The following TMEM163 variants were observed in gnomAD, a reference collection of about 807,000 sequenced individuals.
TMEM163 encodes transmembrane protein 163.
In TMEM163, 17 loss-of-function variants were observed where a neutral mutation model predicts 29.3. That is an observed-to-expected ratio of 0.58 (90% confidence interval 0.40 to 0.87). The LOEUF is 0.87. Among genes scored for constraint, TMEM163 ranks in the 40% least tolerant of loss-of-function variants. TMEM163 has a pLI of 0.00. For synonymous variants in TMEM163, 157 were observed against 160.6 expected, an observed-to-expected ratio of 0.98 and a Z score of 0.17; for missense variants, 303 against 381.5, an observed-to-expected ratio of 0.79 and a Z score of 1.71.
At chr2:134,499,605 T>G (rs1230107398) in intron 5 of TMEM163, among the ~76,000 whole-genome samples, 1 of 152,186 alleles carries the variant, frequency 6.6e-6, no homozygotes, top group Non-Finnish European at 1.5e-5. Context: ...AAATTCCAAT[T>G]GCACAGCTCT....
chr2:134,463,937 G>T (rs1251932846), intron 6 of TMEM163, among the ~76,000 whole-genome samples: 2 of 152,238 alleles, frequency 1.3e-5, no homozygotes, highest in African/African-American at 4.8e-5. Context: ...TTCATCTGGA[G>T]CTTGAGGAAG....
intron 2 of TMEM163, among the ~76,000 whole-genome samples, chr2:134,632,021 C>T (rs552655140): frequency 1.3e-5 from 2 of 152,212 alleles, no homozygotes; most frequent in South Asian, 2.1e-4. Flanking sequence ...AGAAAGTTTC[C>T]AACAAAGTCA....
chr2:134,616,727 T>C (rs1682616198), intron 2 of TMEM163, among the ~76,000 whole-genome samples: 1 of 152,238 alleles, frequency 6.6e-6, no homozygotes, highest in African/African-American at 2.4e-5. Flanking sequence ...TTACCTGGTT[T>C]TGATATTGTA....
At chr2:134,704,049 T>C (rs568210259) in intron 2 of TMEM163, among the ~76,000 whole-genome samples, 3 of 152,148 alleles carry the variant, frequency 2.0e-5, no homozygotes, top group Non-Finnish European at 4.4e-5. Flanking sequence ...GTGGGTCCCC[T>C]GCTCAGGAGC....
intron 2 of TMEM163, among the ~76,000 whole-genome samples, chr2:134,636,525 C>T (rs971579418): frequency 6.6e-5 from 10 of 152,178 alleles, no homozygotes; most frequent in African/African-American, 2.4e-4. Flanking sequence ...TCCAAGCTGT[C>T]CTTGTTCTTT....
chr2:134,693,608 C>CAAAAAAA (rs35183610), intron 2 of TMEM163, among the ~76,000 whole-genome samples: 2 of 66,652 alleles, frequency 3.0e-5, no homozygotes, highest in Non-Finnish European at 4.1e-5. Context: ...AAAACTACAT[C>CAAAAAAA]AAAAAAAAAA....
intron 2 of TMEM163, among the ~76,000 whole-genome samples, chr2:134,685,242 T>G (rs1247433087): frequency 6.6e-6 from 1 of 152,210 alleles, no homozygotes; most frequent in Non-Finnish European, 1.5e-5. Flanking sequence ...AATAACTGTT[T>G]CTAAAATTCC....
rs111580205 is a variant in TMEM163, at chr2:134,462,691, T to C, written c.667+3423A>G. On this transcript the variant is annotated intron_variant, in intron 6 of 7. Transcript: ENST00000281924. ...AGTTGTTTCATTAGAAAAGCAGCCT[T>C]ATTGTTGTTCTCCTCTGTACACCAC... is the stretch of plus-strand genomic sequence containing the variant. Among the ~76,000 whole-genome samples, 33 of 152,276 alleles carry C rather than the reference T, an allele frequency of 2.2e-4. 2 individuals are homozygous for C. The highest frequency in any genetic ancestry group is 7.9e-4 in the African/African-American group (33 of 41,550).
At chr2:134,572,721 CAG>C (rs1681460954) in intron 2 of TMEM163, among the ~76,000 whole-genome samples, 1 of 152,174 alleles carries the variant, frequency 6.6e-6, no homozygotes. Context: ...GCCAGACTCT[CAG>C]AATTCGGAAG....
intron 4 of TMEM163, among the ~76,000 whole-genome samples, chr2:134,517,878 G>C (rs1680109305): frequency 6.6e-6 from 1 of 152,142 alleles, no homozygotes; most frequent in South Asian, 2.1e-4. Context: ...AGGAGAAAAA[G>C]TATGAGTTTC....
At position 134,570,979 on chromosome 2, in the gene TMEM163, C is replaced by T. The variant is rs147939909; in HGVS notation, c.323-18888G>A. Among the ~76,000 whole-genome samples the T allele has an allele frequency of 2.5e-3, 377 of 152,278 alleles. 4 individuals carry two copies. Among genetic ancestry groups the T allele is most frequent in the African/African-American group, 8.8e-3 (367 of 41,556 alleles). On this transcript the variant is annotated intron_variant, in intron 2 of 7. Coordinates refer to ENST00000281924, the MANE Select transcript of TMEM163 (RefSeq NM_030923.5). ...TTTGCTTAAACTAACATGAGGATTT[C>T]CATTGCTTGTAACTGTGATGCTCTC...
intron 2 of TMEM163, among the ~76,000 whole-genome samples, chr2:134,696,299 A>G (rs1173315739): frequency 6.6e-6 from 1 of 152,162 alleles, no homozygotes; most frequent in Non-Finnish European, 1.5e-5. Context: ...ATTTGTTCCT[A>G]AAAATATCAC....
chr2:134,668,239 CA>C (rs1683910507), intron 2 of TMEM163, among the ~76,000 whole-genome samples: 1 of 152,212 alleles, frequency 6.6e-6, no homozygotes, highest in South Asian at 2.1e-4. Context: ...AGTTGGCACA[CA>C]AACCTGTCCT....
intron 5 of TMEM163, among the ~76,000 whole-genome samples, chr2:134,488,590 T>G (rs1679364738): frequency 6.6e-6 from 1 of 152,214 alleles, no homozygotes; most frequent in South Asian, 2.1e-4. Flanking sequence ...ACTGGCTTCC[T>G]TGCTCCTCAG....
intron 2 of TMEM163, among the ~76,000 whole-genome samples, chr2:134,606,957 G>A (rs1574276217): frequency 6.8e-6 from 1 of 147,202 alleles, no homozygotes; most frequent in Admixed American, 6.7e-5. Context: ...CAGACCCCGA[G>A]AACTGTACTG....
intron 2 of TMEM163, among the ~76,000 whole-genome samples, chr2:134,669,716 G>A (rs1182906777): frequency 1.3e-5 from 2 of 152,178 alleles, no homozygotes; most frequent in Non-Finnish European, 2.9e-5. Flanking sequence ...CTGAGGCTGG[G>A]TCACACAAGG....
chr2:134,568,693 GAAAGAAAGAA>G (rs1441868389), intron 2 of TMEM163, among the ~76,000 whole-genome samples: 2 of 151,134 alleles, frequency 1.3e-5, no homozygotes, highest in South Asian at 2.1e-4. Flanking sequence ...AAGAAAAAAG[GAAAGAAAGAA>G]AAAGAAAGAA....
chr2:134,528,461 C>A (rs1035542591), intron 4 of TMEM163, among the ~76,000 whole-genome samples: 4 of 152,126 alleles, frequency 2.6e-5, no homozygotes, highest in Non-Finnish European at 5.9e-5. Flanking sequence ...TTGATTTTAA[C>A]AAGGCATCTG....
intron 2 of TMEM163, among the ~76,000 whole-genome samples, chr2:134,568,525 A>C (rs1422165930): frequency 6.6e-6 from 1 of 151,842 alleles, no homozygotes; most frequent in Non-Finnish European, 1.5e-5. Flanking sequence ...GACTCCGTCA[A>C]GAAAGAAAGA....
Sources: gnomAD v4.1 joint callset for allele counts (sites outside exome capture counted in the v4.1 genomes callset) on GRCh38, gnomAD v4.1.1 for gene constraint, MANE v1.5 for transcripts, NCBI Gene and HGNC (gene_info 2026-07-23, HGNC 2026-07-21) for gene names.